Variants in GSE1 observed in about 807,000 individuals in gnomAD.
GSE1 encodes the protein genetic suppressor element 1.
In GSE1, 32 loss-of-function variants were observed where a neutral mutation model predicts 112.6. The ratio of observed to expected loss-of-function variants is 0.28; its 90% CI spans 0.21 to 0.38. The LOEUF is 0.38. Among genes scored for constraint, GSE1 ranks in the 10% least tolerant of loss-of-function variants. GSE1 has a pLI of 1.00. For missense variants in GSE1, 2,348 were observed against 1,699.2 expected (o/e 1.38, Z -6.71); for synonymous variants, 1,115 against 735.6 (o/e 1.52, Z -8.35).
chr16:85,253,217 G>C (rs1437362891), intron 1 of GSE1, among the ~76,000 whole-genome samples: 1 of 152,152 alleles, frequency 6.6e-6, no homozygotes, highest in African/African-American at 2.4e-5. Context: ...CTGCCTCGCC[G>C]CCGGCGACTC....
upstream of GSE1, chr16:85,611,540 C>T (rs1196809171): frequency 3.3e-6 from 3 of 920,910 alleles, no homozygotes; most frequent in African/African-American, 5.3e-5. Context: ...AGGTAGGAGC[C>T]AGTAACGGCC....
chr16:85,196,787 G>C (rs977210248), intron 1 of GSE1, among the ~76,000 whole-genome samples: 10 of 152,066 alleles, frequency 6.6e-5, no homozygotes, highest in Admixed American at 5.2e-4. Flanking sequence ...AGACGGGGCG[G>C]GGGGGCCTGC....
At chr16:85,664,256 T>A (rs1410466796) in intron 11 of GSE1, among the ~76,000 whole-genome samples, 1 of 152,236 alleles carries the variant, frequency 6.6e-6, no homozygotes, top group African/African-American at 2.4e-5. Flanking sequence ...GCCCTGCCCC[T>A]TACGCACGCT....
chr16:85,340,469 A>C (rs1389331979), intron 1 of GSE1, among the ~76,000 whole-genome samples: 1 of 152,082 alleles, frequency 6.6e-6, no homozygotes, highest in Non-Finnish European at 1.5e-5. Flanking sequence ...GTGAAACCCC[A>C]TCTCTACTAA....
intron 2 of GSE1, among the ~76,000 whole-genome samples, chr16:85,536,227 G>A (rs2044322548): frequency 6.6e-6 from 1 of 152,228 alleles, no homozygotes; most frequent in Non-Finnish European, 1.5e-5. Context: ...CTCTCCGTGG[G>A]GCCTCCCTGG....
At position 85,639,886 on chromosome 16, in the gene GSE1, G is replaced by A. The variant is rs576884701; in HGVS notation, c.226+5754G>A. 1.9e-4 allele frequency among the ~76,000 whole-genome samples: 29 copies of A among 152,342 alleles called. 1 individual carries two copies. The South Asian group carries it at 5.2e-3, about 27-fold the overall frequency. On this transcript the variant is annotated intron_variant, in intron 2 of 15. Coordinates refer to ENST00000253458, the MANE Select transcript of GSE1 (RefSeq NM_014615.5). ...CGCCCGTCTGCCAAGGCGGCCGGGG[G>A]CGGAGGTACGGGGAGCCTTGCGTGT...
At chr16:85,654,039 A>C (rs958630819) in intron 3 of GSE1, among the ~76,000 whole-genome samples, 8 of 152,088 alleles carry the variant, frequency 5.3e-5, no homozygotes, top group Non-Finnish European at 1.5e-5. Flanking sequence ...AGGCCCAGGG[A>C]GGGAGACGGA....
chr16:85,386,284 G>C lies in GSE1; in HGVS notation c.2464+28641G>C, dbSNP rs544112139. On this transcript the variant is annotated intron_variant, in intron 2 of 2. Coordinates refer to the GSE1 transcript ENST00000637419. ...ATCCTGCCTGCGTGCCTGACACCAG[G>C]ATGGACGGCTGACTCTAGGTGGGGA... 1.8e-4 allele frequency among the ~76,000 whole-genome samples: 27 copies of C among 152,364 alleles called. No homozygotes were observed. In the South Asian group the frequency reaches 4.3e-3, roughly 25 times the overall value.
chr16:85,497,270 G>C (rs1021114923), intron 2 of GSE1, among the ~76,000 whole-genome samples: 2 of 152,186 alleles, frequency 1.3e-5, no homozygotes, highest in Non-Finnish European at 2.9e-5. Context: ...GCGCACCTCT[G>C]GTGTTAGACC....
At chr16:85,556,342 C>T in exon 1 of GSE1, 1 of 984,898 alleles carries the variant, frequency 1.0e-6, no homozygotes, top group Non-Finnish European at 1.2e-6. Flanking sequence ...TGGATTGAAG[C>T]CGCCTCTGTA....
chr16:85,515,243 C>CGGTGAGG (rs1567551857), intron 2 of GSE1, among the ~76,000 whole-genome samples: 1 of 152,228 alleles, frequency 6.6e-6, no homozygotes, highest in African/African-American at 2.4e-5. Context: ...ACCTCTGCCC[C>CGGTGAGG]CATCCCCGTC....
chr16:85,470,164 G>A (rs1022128883), intron 2 of GSE1, among the ~76,000 whole-genome samples: 1 of 152,242 alleles, frequency 6.6e-6, no homozygotes, highest in Non-Finnish European at 1.5e-5. Context: ...TCGGCAGCTC[G>A]AGCCAGCTGG....
In GSE1 at chr16:85,675,960, T is replaced by A. The variant is rs564786405; in HGVS notation, c.*3421T>A. 6.5e-6 allele frequency: 1 copy of A among 152,764 alleles called. No homozygotes were observed. The highest frequency in any genetic ancestry group is 2.1e-4 in the South Asian group (1 of 4,824). 9.5% of individuals were successfully genotyped at this position (152,764 alleles called of 1,614,324 possible). On this transcript the variant is annotated 3_prime_UTR_variant, in exon 16 of 16. Transcript: ENST00000253458. ...GAAGACCATGCTAACTGGTGTTATT[T>A]TGTATGTACCCTGTGCTTAATTCTA...
chr16:85,605,305 A>G (rs544944002), intron 1 of GSE1, among the ~76,000 whole-genome samples: 12 of 152,030 alleles, frequency 7.9e-5, no homozygotes, highest in African/African-American at 2.2e-4. Flanking sequence ...GGAGGAGAAA[A>G]GAGTTCCGCT....
chr16:85,364,740 G>T (rs890723767), intron 2 of GSE1, among the ~76,000 whole-genome samples: 1 of 152,076 alleles, frequency 6.6e-6, no homozygotes, highest in Non-Finnish European at 1.5e-5. Flanking sequence ...CCCACTTCCC[G>T]TTGGCCTGGA....
intron 2 of GSE1, among the ~76,000 whole-genome samples, chr16:85,549,135 A>G (rs965824125): frequency 6.6e-6 from 1 of 151,144 alleles, no homozygotes; most frequent in African/African-American, 2.4e-5. Context: ...ATAAGGCCAC[A>G]TTCACAGGTA....
chr16:85,471,563 C>T (rs2050296738), intron 2 of GSE1, among the ~76,000 whole-genome samples: 1 of 151,982 alleles, frequency 6.6e-6, no homozygotes, highest in African/African-American at 2.4e-5. Context: ...ACAGGCACAC[C>T]ACCATGCCCA....
chr16:85,279,777 C>G (rs1477031959), intron 1 of GSE1, among the ~76,000 whole-genome samples: 2 of 152,138 alleles, frequency 1.3e-5, no homozygotes, highest in Non-Finnish European at 2.9e-5. Context: ...ACTCCAACTT[C>G]TCTGTCTTCA....
At chr16:85,489,790 G>A (rs1334876077) in intron 2 of GSE1, 2 of 152,262 alleles carry the variant, frequency 1.3e-5, no homozygotes, top group Admixed American at 6.5e-5. Context: ...AGATGTCATC[G>A]AGTTGAGATG....
Sources: gnomAD v4.1 joint callset for allele counts (sites outside exome capture counted in the v4.1 genomes callset) on GRCh38, gnomAD v4.1.1 for gene constraint, MANE v1.5 for transcripts, NCBI Gene and HGNC (gene_info 2026-07-23, HGNC 2026-07-21) for gene names.